EYA4: variants seen among roughly 807,000 people sequenced by gnomAD.
EYA4 encodes EYA transcriptional coactivator and phosphatase 4, also known as protein phosphatase EYA4.
Under a neutral mutation model 87.9 loss-of-function variants are expected in EYA4, and 31 were observed. The observed-to-expected ratio is 0.35, with a 90% CI of 0.27 to 0.48. The LOEUF is 0.48. EYA4 is among the 20% of genes least tolerant of loss of function. The pLI is 0.99. For missense variants in EYA4, 678 were observed against 761.4 expected, an observed-to-expected ratio of 0.89 and a Z score of 1.29; for synonymous variants, 263 against 270.6, an observed-to-expected ratio of 0.97 and a Z score of 0.28.
intron 1 of EYA4, among the ~76,000 whole-genome samples, chr6:133,262,681 C>A (rs1014871889): frequency 1.3e-5 from 2 of 152,214 alleles, no homozygotes; most frequent in African/African-American, 4.8e-5. Context: ...CCAAATGATT[C>A]TCACAAAGTA....
chr6:133,359,754 A>AG (rs1784324313), intron 2 of EYA4, among the ~76,000 whole-genome samples: 1 of 152,240 alleles, frequency 6.6e-6, no homozygotes, highest in Non-Finnish European at 1.5e-5. Context: ...TTGATGTCTG[A>AG]GGAGCCACTC....
At chr6:133,343,172 C>G (rs938852253) in intron 2 of EYA4, among the ~76,000 whole-genome samples, 1 of 152,114 alleles carries the variant, frequency 6.6e-6, no homozygotes, top group East Asian at 1.9e-4. Context: ...AAAGAATGAC[C>G]TGAGATCAAC....
At chr6:133,502,963 C>G (rs1442789025) in intron 13 of EYA4, among the ~76,000 whole-genome samples, 2 of 152,130 alleles carry the variant, frequency 1.3e-5, no homozygotes, top group Non-Finnish European at 2.9e-5. Flanking sequence ...AAAATGCTTA[C>G]TAAGTCCTGG....
chr6:133,294,023 T>TTA (rs71771244), intron 2 of EYA4, among the ~76,000 whole-genome samples: 1,164 of 78,562 alleles, frequency 0.015, 11 homozygotes, highest in East Asian at 0.018. Flanking sequence ...TAGGGTGATT[T>TTA]TATATATATA....
rs377108916 is a variant in EYA4, at chr6:133,318,886, G to A, written c.33+44073G>A. Among the ~76,000 whole-genome samples, 126 of 152,120 alleles carry A rather than the reference G, an allele frequency of 8.3e-4. 1 individual carries two copies. In the South Asian group the frequency reaches 0.024, roughly 29 times the overall value. On this transcript the variant is annotated intron_variant, in intron 2 of 19. Coordinates refer to ENST00000355286, the MANE Select transcript of EYA4 (RefSeq NM_004100.5). ...TGTACTATTCATGGTTTTTACGCAC[G>A]CACTATATTAATGCGATGATCTGAG...
rs117433198 is a variant in EYA4 at position 133,375,563 on chromosome 6, G to A, written c.34-6829G>A. On this transcript the variant is annotated intron_variant, in intron 2 of 19. Coordinates refer to ENST00000355286, the MANE Select transcript of EYA4 (RefSeq NM_004100.5). The stretch of plus-strand genomic sequence containing the variant: ...GGAAAGGATATATTTTAATTCATAT[G>A]TATTAAATGCTGCTAACTAGAAACC... 2.2e-3 allele frequency among the ~76,000 whole-genome samples: 333 copies of A among 151,880 alleles called. 7 individuals carry two copies. Among genetic ancestry groups the A allele is most frequent in the Admixed American group, 0.019 (291 of 15,224 alleles).
intron 2 of EYA4, among the ~76,000 whole-genome samples, chr6:133,320,728 G>A (rs944873763): frequency 1.3e-5 from 2 of 151,860 alleles, no homozygotes; most frequent in African/African-American, 4.8e-5. Flanking sequence ...TCATCTTTAT[G>A]TTCATGTGTA....
chr6:133,303,116 TG>T (rs1440902726), intron 2 of EYA4, among the ~76,000 whole-genome samples: 2 of 152,184 alleles, frequency 1.3e-5, no homozygotes, highest in African/African-American at 4.8e-5. Flanking sequence ...TAGTTTTGTT[TG>T]TTTACTTGTT....
Position 133,529,436 on chromosome 6 carries a change from A to G in EYA4, c.*631A>G, listed in dbSNP as rs1334332543. The G allele has an allele frequency of 2.0e-6, 2 of 990,248 alleles. No individual in the cohort carries two copies. Among genetic ancestry groups the G allele is most frequent in the East Asian group, 1.1e-4 (1 of 9,080 alleles). 61.3% of individuals were successfully genotyped at this position (990,248 alleles called of 1,614,324 possible). ...CTCTTTTTTAAGTTTGGCAAACAGAATGTTCATACTGATGTGTTGTGCCTT... is the reference window on the plus strand; with the variant it reads ...CTCTTTTTTAAGTTTGGCAAACAGAGTGTTCATACTGATGTGTTGTGCCTT... On this transcript the variant is annotated 3_prime_UTR_variant, in exon 20 of 20. Coordinates refer to ENST00000355286, the MANE Select transcript of EYA4 (RefSeq NM_004100.5).
At chr6:133,257,119 T>A (rs1179967673) in intron 1 of EYA4, among the ~76,000 whole-genome samples, 1 of 152,166 alleles carries the variant, frequency 6.6e-6, no homozygotes, top group Non-Finnish European at 1.5e-5. Flanking sequence ...AATATTTTCC[T>A]CCCAAGAAAT....
At chr6:133,432,101 C>T (rs1312477602) in intron 3 of EYA4, among the ~76,000 whole-genome samples, 1 of 151,978 alleles carries the variant, frequency 6.6e-6, no homozygotes, top group Non-Finnish European at 1.5e-5. Flanking sequence ...TGGTGCCTCC[C>T]ACCTGGGAAA....
At chr6:133,294,023 T>TTATATATATATATA (rs71771244) in intron 2 of EYA4, among the ~76,000 whole-genome samples, 1,016 of 78,340 alleles carry the variant, frequency 0.013, 24 homozygotes, top group African/African-American at 0.019. Context: ...TAGGGTGATT[T>TTATATATATATATA]TATATATATA....
At chr6:133,526,909 T>C (rs1332276768) in intron 19 of EYA4, among the ~76,000 whole-genome samples, 1 of 152,196 alleles carries the variant, frequency 6.6e-6, no homozygotes, top group Non-Finnish European at 1.5e-5. Flanking sequence ...TCACGTATAT[T>C]TAGGTAAGGA....
intron 2 of EYA4, among the ~76,000 whole-genome samples, chr6:133,292,085 A>G (rs774776466): frequency 6.6e-6 from 1 of 152,202 alleles, no homozygotes; most frequent in African/African-American, 2.4e-5. Context: ...AGTTTATGTT[A>G]AGTAAGTTGT....
intron 3 of EYA4, among the ~76,000 whole-genome samples, chr6:133,409,197 G>A (rs1007530630): frequency 5.9e-5 from 9 of 152,176 alleles, no homozygotes; most frequent in African/African-American, 2.2e-4. Flanking sequence ...CAAAAAGGAA[G>A]TGAAATCAGC....
chr6:133,322,313 G>C (rs1341492086), intron 2 of EYA4, among the ~76,000 whole-genome samples: 1 of 152,174 alleles, frequency 6.6e-6, no homozygotes, highest in Admixed American at 6.5e-5. Flanking sequence ...TAGTCGTTGT[G>C]CTATAAAAGG....
At chr6:133,395,640 A>T (rs212806) in intron 3 of EYA4, among the ~76,000 whole-genome samples, 55,195 of 152,108 alleles carry the variant, frequency 0.36, 12,972 homozygotes, top group Non-Finnish European at 0.52. Flanking sequence ...GCGTGCCTGT[A>T]GTCCCTGGTA....
intron 3 of EYA4, among the ~76,000 whole-genome samples, chr6:133,400,432 C>T (rs148650057): frequency 0.01 from 1,534 of 151,474 alleles, 33 homozygotes; most frequent in African/African-American, 0.035. Context: ...TGCTTGAACC[C>T]GGGAGGCGGA....
intron 11 of EYA4, among the ~76,000 whole-genome samples, chr6:133,475,614 T>A (rs1161134618): frequency 2.0e-5 from 3 of 152,126 alleles, no homozygotes; most frequent in Non-Finnish European, 4.4e-5. Flanking sequence ...TAATGGAAAC[T>A]AACAAGAGGA....
Sources: gnomAD v4.1 joint callset for allele counts (sites outside exome capture counted in the v4.1 genomes callset) on GRCh38, gnomAD v4.1.1 for gene constraint, MANE v1.5 for transcripts, NCBI Gene and HGNC (gene_info 2026-07-23, HGNC 2026-07-21) for gene names.